The following TJP2 variants were observed in gnomAD, a reference collection of about 807,000 sequenced individuals.
TJP2 encodes the protein tight junction protein 2, also known as Friedreich ataxia region gene X104 (tight junction protein ZO-2).
TJP2 carries 91 observed loss-of-function variants against 133.1 expected under a neutral mutation model. The observed-to-expected ratio is 0.68, with a 90% CI of 0.58 to 0.81. The LOEUF (loss-of-function observed/expected upper bound fraction) is 0.81, where lower values mean the gene tolerates loss of function less well. Ranked by LOEUF, TJP2 falls within the 40% of genes least tolerant of loss-of-function variation. TJP2 has a pLI of 0.00. For synonymous variants in TJP2, 592 were observed against 583.4 expected (o/e 1.01, Z -0.21); for missense variants, 1,541 against 1,565.6 (o/e 0.98, Z 0.26).
intron 4 of TJP2, chr9:69,218,656 A>G (rs1828570720): frequency 2.5e-6 from 1 of 394,680 alleles, no homozygotes; most frequent in Non-Finnish European, 4.7e-6. Context: ...GTAAAATAGT[A>G]TTAATTTAGA....
chr9:69,174,107 C>T (rs1377914251), upstream of TJP2: 6 of 1,182,368 alleles, frequency 5.1e-6, no homozygotes, highest in South Asian at 3.9e-5. Context: ...AGCCCTTCCC[C>T]GGCAGGCGCG....
intron 1 of TJP2, among the ~76,000 whole-genome samples, chr9:69,137,460 T>C (rs773308693): frequency 2.7e-5 from 4 of 150,334 alleles, no homozygotes; most frequent in Non-Finnish European, 5.9e-5. Flanking sequence ...CCTCCCAGGC[T>C]CAAACGATCC....
chr9:69,156,741 G>C (rs185826101), intron 2 of TJP2, among the ~76,000 whole-genome samples: 1 of 151,620 alleles, frequency 6.6e-6, no homozygotes, highest in Non-Finnish European at 1.5e-5. Context: ...CCGTGGTCTC[G>C]ATCTCCTGAC....
intron 1 of TJP2, among the ~76,000 whole-genome samples, chr9:69,182,500 T>G (rs1247229296): frequency 6.6e-6 from 1 of 152,196 alleles, no homozygotes; most frequent in East Asian, 1.9e-4. Context: ...GAGAAATATT[T>G]AGTCTACTTA....
intron 1 of TJP2, among the ~76,000 whole-genome samples, chr9:69,186,985 G>T (rs917468382): frequency 6.6e-6 from 1 of 152,108 alleles, no homozygotes; most frequent in Non-Finnish European, 1.5e-5. Context: ...GAAATGTGGG[G>T]AAACAGGACT....
intron 1 of TJP2, among the ~76,000 whole-genome samples, chr9:69,195,403 GTAAC>G (rs1826481055): frequency 6.6e-6 from 1 of 150,510 alleles, no homozygotes; most frequent in African/African-American, 2.4e-5. Flanking sequence ...GGTCTTAAAT[GTAAC>G]TATCAGCTGA....
intron 11 of TJP2, among the ~76,000 whole-genome samples, chr9:69,231,669 A>G (rs1426326696): frequency 6.6e-6 from 1 of 152,154 alleles, no homozygotes; most frequent in Non-Finnish European, 1.5e-5. Context: ...GATGAAGGGC[A>G]AACCTTGATC....
At chr9:69,233,230 A>G (rs1829921258) in intron 11 of TJP2, among the ~76,000 whole-genome samples, 1 of 152,224 alleles carries the variant, frequency 6.6e-6, no homozygotes, top group Non-Finnish European at 1.5e-5. Context: ...GTTTTAGTCT[A>G]ATGCCGACTT....
intron 1 of TJP2, among the ~76,000 whole-genome samples, chr9:69,197,373 A>G (rs1026584480): frequency 4.6e-5 from 7 of 152,354 alleles, no homozygotes; most frequent in South Asian, 4.1e-4. Flanking sequence ...TTATCCAGTC[A>G]TCAGTTGATG....
At chr9:69,221,555 C>A in intron 5 of TJP2, 59 bp downstream of exon 5, 1 of 1,554,720 alleles carries the variant, frequency 6.4e-7, no homozygotes, top group Non-Finnish European at 8.7e-7. Context: ...CCTTTGTTTT[C>A]TTAATTTTTT....
chr9:69,151,203 C>T (rs11145461), intron 1 of TJP2, among the ~76,000 whole-genome samples: 28,470 of 152,028 alleles, frequency 0.19, 2,747 homozygotes, highest in Middle Eastern at 0.23. Flanking sequence ...GATTGTGGGC[C>T]GGGCGCAGTG....
At chr9:69,138,644 A>G (rs1822879634) in intron 1 of TJP2, among the ~76,000 whole-genome samples, 1 of 152,156 alleles carries the variant, frequency 6.6e-6, no homozygotes, top group Non-Finnish European at 1.5e-5. Flanking sequence ...GAGGCTGGGC[A>G]TGGTGGCTTA....
intron 17 of TJP2, among the ~76,000 whole-genome samples, chr9:69,245,911 A>G (rs17502850): frequency 0.073 from 11,116 of 152,272 alleles, 449 homozygotes; most frequent in South Asian, 0.085. Flanking sequence ...TAAGTCTATC[A>G]AAGTGATATA....
intron 2 of TJP2, among the ~76,000 whole-genome samples, chr9:69,161,315 G>A (rs1379234675): frequency 1.3e-5 from 2 of 152,006 alleles, no homozygotes; most frequent in African/African-American, 4.8e-5. Flanking sequence ...CGCAACCTCC[G>A]CCTCCTGGGT....
intron 3 of TJP2, 128 bp from the exon 4 acceptor site, chr9:69,218,129 G>A (rs529676439): frequency 2.4e-5 from 18 of 748,964 alleles, no homozygotes; most frequent in African/African-American, 2.1e-4. Flanking sequence ...GGCCTTGGGC[G>A]CCACTAGACA....
upstream of TJP2, chr9:69,174,229 AG>A: frequency 6.8e-7 from 1 of 1,476,296 alleles, no homozygotes; most frequent in Non-Finnish European, 9.0e-7. Flanking sequence ...GGAGGGACAA[AG>A]GGGTGGGTCC....
chr9:69,249,798 T>C (rs1831198717), intron 20 of TJP2: 1 of 971,060 alleles, frequency 1.0e-6, no homozygotes, highest in African/African-American at 1.8e-5. Context: ...ATACCCAGAA[T>C]CACCAATCGC....
intron 1 of TJP2, among the ~76,000 whole-genome samples, chr9:69,175,814 G>C (rs1405252870): frequency 2.0e-5 from 3 of 152,050 alleles, no homozygotes; most frequent in Non-Finnish European, 4.4e-5. Flanking sequence ...GTTTTTTTCA[G>C]AACTACTTCT....
intron 1 of TJP2, among the ~76,000 whole-genome samples, chr9:69,204,054 CTCATT>C (rs1827207368): frequency 6.6e-6 from 1 of 152,188 alleles, no homozygotes; most frequent in Non-Finnish European, 1.5e-5. Flanking sequence ...TAGAGATTGC[CTCATT>C]TCTTGCCGAC....
Sources: gnomAD v4.1 joint callset for allele counts (sites outside exome capture counted in the v4.1 genomes callset) on GRCh38, gnomAD v4.1.1 for gene constraint, MANE v1.5 for transcripts, NCBI Gene and HGNC (gene_info 2026-07-23, HGNC 2026-07-21) for gene names.